WDR18: variants seen among roughly 807,000 people sequenced by gnomAD.
WDR18 encodes the protein WD repeat domain 18.
In WDR18, 33 loss-of-function variants were observed where a neutral mutation model predicts 49.6. The observed-to-expected ratio is 0.67, with a 90% CI of 0.50 to 0.89. The LOEUF (loss-of-function observed/expected upper bound fraction) is 0.89, where lower values mean the gene tolerates loss of function less well. WDR18 is among the 40% of genes least tolerant of loss of function. The probability of loss-of-function intolerance (pLI) is 0.00; values close to 1 mark genes in which losing one functional copy is unlikely to be tolerated. For missense variants in WDR18, 653 were observed against 593.6 expected (o/e 1.10, Z -1.04); for synonymous variants, 315 against 263.6 (o/e 1.19, Z -1.89).
intron 1 of WDR18, among the ~76,000 whole-genome samples, chr19:985,220 C>T (rs762062040): frequency 3.3e-5 from 5 of 152,154 alleles, no homozygotes; most frequent in Non-Finnish European, 7.4e-5. Context: ...GGCTGGAGTG[C>T]AGTGGTGCGA....
chr19:984,650 T>A, intron 1 of WDR18, 87 bp downstream of exon 1: 1 of 1,277,630 alleles, frequency 7.8e-7, no homozygotes, highest in Non-Finnish European at 1.0e-6. Flanking sequence ...CGTGCACCCT[T>A]AGTCGGAATT....
intron 4 of WDR18, 108 bp downstream of exon 4, chr19:990,472 C>T: frequency 7.2e-7 from 1 of 1,386,474 alleles, no homozygotes; most frequent in Non-Finnish European, 9.4e-7. Context: ...GTCAGGACTC[C>T]AGACGGCTTT....
In WDR18 at chr19:989,875, G is replaced by A. The variant is rs1025954776; in HGVS notation, c.435G>A (p.Val145=). 1 of 1,611,096 alleles carries A rather than the reference G, an allele frequency of 6.2e-7. No individual in the cohort carries two copies. Among genetic ancestry groups the A allele is most frequent in the Non-Finnish European group, 8.5e-7 (1 of 1,179,052 alleles). Residue 145 remains valine, a synonymous_variant, in exon 3 of 10, where the codon GTG becomes GTA. Transcript: ENST00000585809. ...TCTCAGGGGGCAAGGACTGCCTGGTGCTGGTTTGGAGCCTCTGCAGGTAGC... is the reference window on the plus strand; with the variant it reads ...TCTCAGGGGGCAAGGACTGCCTGGTACTGGTTTGGAGCCTCTGCAGGTAGC... ...HFISGGKDCL[V]LVWSLCSVLQ...
At chr19:991,636 C>T (rs112268562) in intron 7 of WDR18, among the ~76,000 whole-genome samples, 6 of 52,106 alleles carry the variant, frequency 1.2e-4, no homozygotes, top group Admixed American at 7.1e-4. Flanking sequence ...CGTGGACTGG[C>T]TGGGGGCGTG....
At position 986,135 on chromosome 19, in the gene WDR18, G is replaced by T. The variant is rs921048961; in HGVS notation, c.321+160G>T. Among the ~76,000 whole-genome samples the T allele has an allele frequency of 2.0e-5, 3 of 152,176 alleles. No homozygotes were observed. The East Asian group carries it at 5.8e-4, about 29-fold the overall frequency. On this transcript the variant is annotated intron_variant, in intron 2 of 9. Transcript: ENST00000585809. ...TTCACCCTGCTGCCTCCTTTCTCCAGGTCCCCTCGAGACTTGCGAATCCCA... is the reference window on the plus strand; with the variant it reads ...TTCACCCTGCTGCCTCCTTTCTCCATGTCCCCTCGAGACTTGCGAATCCCA...
intron 4 of WDR18, 133 bp downstream of exon 4, chr19:990,497 T>C (rs766618771): frequency 2.3e-4 from 297 of 1,293,806 alleles, no homozygotes; most frequent in Non-Finnish European, 2.8e-4. Context: ...CCCCTGGTGC[T>C]CTGAGCCCAA....
Position 991,143 on chromosome 19 carries a change from C to A in WDR18, c.804C>A (p.His268Gln). The A allele has an allele frequency of 1.3e-6, 2 of 1,571,000 alleles. No individual in the cohort carries two copies. Among genetic ancestry groups the A allele is most frequent in the Non-Finnish European group, 1.7e-6 (2 of 1,157,610 alleles). The stretch of plus-strand genomic sequence containing the variant: ...ACGCCGGGAAGGTCTTCAAAGGGCA[C>A]AGGTGGGGACGTGGGAACGGGGCGG... ...EQDAGKVFKG[H>Q]RNQVTCLSVS... The change falls in exon 6 of 10, where the codon CAC (histidine) becomes CAA (glutamine). Residue 268 changes from histidine (H) to glutamine (Q), a missense_variant and splice_region_variant. Coordinates refer to ENST00000585809, the MANE Select transcript of WDR18 (RefSeq NM_024100.4).
chr19:987,113 C>T (rs149921664), intron 2 of WDR18, among the ~76,000 whole-genome samples: 219 of 152,276 alleles, frequency 1.4e-3, no homozygotes, highest in African/African-American at 5.0e-3. Flanking sequence ...GAGGCTGAGA[C>T]GGGCAGATCA....
chr19:993,354 T>A (rs779489714), intron 8 of WDR18, among the ~76,000 whole-genome samples: 2 of 152,208 alleles, frequency 1.3e-5, no homozygotes, highest in Non-Finnish European at 2.9e-5. Context: ...ACAGTGGGAT[T>A]CCGGAGGGGG....
At position 993,978 on chromosome 19, in the gene WDR18, G is replaced by C. The variant is rs985036295; in HGVS notation, c.1099-42G>C. 21 of 1,545,830 alleles carry C rather than the reference G, an allele frequency of 1.4e-5. No individual in the cohort carries two copies. In the African/African-American group the frequency reaches 2.7e-4, roughly 20 times the overall value. Reference sequence around the variant, plus strand: ...GGGATGGGCAAAGCGTGTGGTGTGTGACAGGACGCGCCCCGAGGTCACGTG... The same window carrying C: ...GGGATGGGCAAAGCGTGTGGTGTGTCACAGGACGCGCCCCGAGGTCACGTG... On this transcript the variant is annotated intron_variant, in intron 8 of 9. Transcript: ENST00000585809.
upstream of WDR18, chr19:984,240 C>T (rs990206799): frequency 9.1e-7 from 1 of 1,098,684 alleles, no homozygotes; most frequent in Non-Finnish European, 1.2e-6. Context: ...GGCACGGGCG[C>T]ATGCGCGGGT....
chr19:985,034 C>G (rs1025366167), intron 1 of WDR18, among the ~76,000 whole-genome samples: 1 of 152,166 alleles, frequency 6.6e-6, no homozygotes, highest in African/African-American at 2.4e-5. Flanking sequence ...AGTTTCCCCT[C>G]TACTCCCAAG....
intron 6 of WDR18, 21 bp downstream of exon 6, chr19:991,166 C>CG: frequency 6.4e-7 from 1 of 1,554,274 alleles, no homozygotes. Flanking sequence ...GGGAACGGGG[C>CG]GGGGGCTCCC....
chr19:983,960 A>T (rs2038445516), upstream of WDR18, among the ~76,000 whole-genome samples: 1 of 152,162 alleles, frequency 6.6e-6, no homozygotes, highest in Admixed American at 6.5e-5. Flanking sequence ...TCTCTCTTTT[A>T]GGCGCAATGT....
Position 991,362 on chromosome 19 carries a change from C to G in WDR18, c.931+11C>G. 1.3e-6 allele frequency: 2 copies of G among 1,544,144 alleles called. No homozygotes were observed. The highest frequency in any genetic ancestry group is 1.7e-6 in the Non-Finnish European group (2 of 1,144,470). On this transcript the variant is annotated intron_variant, in intron 7 of 9. Coordinates refer to ENST00000585809, the MANE Select transcript of WDR18 (RefSeq NM_024100.4). Reference sequence around the variant, plus strand: ...CGGTGGCCCTCAAAGGTGGGCGCGCCTCTGCTCGGCCCGCGGCCAGCGCGC... The same window carrying G: ...CGGTGGCCCTCAAAGGTGGGCGCGCGTCTGCTCGGCCCGCGGCCAGCGCGC...
intron 2 of WDR18, among the ~76,000 whole-genome samples, chr19:986,684 G>A (rs895040645): frequency 6.6e-6 from 1 of 152,224 alleles, no homozygotes; most frequent in African/African-American, 2.4e-5. Context: ...TTCAGGCTTT[G>A]CATTTAGGCC....
intron 7 of WDR18, 23 bp downstream of exon 7, chr19:991,374 C>T (rs77430782): frequency 0.13 from 194,877 of 1,512,382 alleles, 13,754 homozygotes; most frequent in South Asian, 0.27. Flanking sequence ...CTGCTCGGCC[C>T]GCGGCCAGCG....
At chr19:990,702 C>T (rs10854001) in intron 4 of WDR18, 150 bp from the exon 5 acceptor site, 647,905 of 1,225,650 alleles carry the variant, frequency 0.53, 175,931 homozygotes, top group Non-Finnish European at 0.57. Flanking sequence ...CCCTGGCCCC[C>T]AAGACCCACA....
At chr19:990,125 A>C (rs1485890295) in intron 3 of WDR18, 98 bp from the exon 4 acceptor site, 1 of 1,429,714 alleles carries the variant, frequency 7.0e-7, no homozygotes, top group African/African-American at 1.4e-5. Flanking sequence ...CAGGCTGCTG[A>C]GTGGAGGCAG....
Sources: gnomAD v4.1 joint callset for allele counts (sites outside exome capture counted in the v4.1 genomes callset) on GRCh38, gnomAD v4.1.1 for gene constraint, MANE v1.5 for transcripts, NCBI Gene and HGNC (gene_info 2026-07-23, HGNC 2026-07-21) for gene names.